The following MTCL1 variants were observed in gnomAD, a reference collection of about 807,000 sequenced individuals.
MTCL1 encodes the protein microtubule crosslinking factor 1, also known as microtubule cross-linking factor 1.
A neutral mutation model predicts 141.4 loss-of-function variants in MTCL1; 79 were observed. The ratio of observed to expected loss-of-function variants is 0.56; its 90% CI spans 0.47 to 0.67. The LOEUF is 0.67. Ranked by LOEUF, MTCL1 falls within the 30% of genes least tolerant of loss-of-function variation. The pLI, the probability that MTCL1 is intolerant of heterozygous loss-of-function variation, is 0.00. For synonymous variants in MTCL1, 914 were observed against 875.8 expected (o/e 1.04, Z -0.77); for missense variants, 2,177 against 2,113.9 (o/e 1.03, Z -0.59).
intron 11 of MTCL1, among the ~76,000 whole-genome samples, chr18:8,807,363 C>A (rs2076336744): frequency 6.6e-6 from 1 of 152,234 alleles, no homozygotes; most frequent in Admixed American, 6.5e-5. Context: ...CTGAAGCTGT[C>A]ATCACACTGA....
At chr18:8,778,050 A>G (rs1229421743) in intron 5 of MTCL1, 158 bp downstream of exon 4, 3 of 557,494 alleles carry the variant, frequency 5.4e-6, no homozygotes, top group Non-Finnish European at 3.0e-6. Flanking sequence ...CAGTGTGAAC[A>G]TTTTCTTTGC....
rs2096057085 is a variant in MTCL1 at position 8,705,866 on chromosome 18, C to CCCCGGCG, written c.212_213insGCCCGGC (p.Ala73GlyfsTer144). On this transcript the variant is annotated frameshift_variant, in exon 1 of 14. Coordinates refer to the MTCL1 transcript ENST00000306329. LOFTEE classifies it high-confidence loss of function. The surrounding 1 kb of genome is among the most constrained non-coding windows in gnomAD (Gnocchi z 5.2). The stretch of plus-strand genomic sequence containing the variant: ...CCGGCCGTCCCCTCCTCGGGCCGAG[C>CCCCGGCG]CCCGGCTCCCGCCGCCCCGCGCTCG... 8.8e-7 allele frequency: 1 copy of CCCCGGCG among 1,140,108 alleles called. No individual in the cohort carries two copies. 70.6% of individuals were successfully genotyped at this position (1,140,108 alleles called of 1,614,324 possible).
At chr18:8,785,803 C>A in intron 6 of MTCL1, 133 bp from the exon 6 acceptor site, 1 of 1,081,018 alleles carries the variant, frequency 9.3e-7, no homozygotes, top group Non-Finnish European at 1.3e-6. Flanking sequence ...GTCGTTTTCT[C>A]AGTCGTCTCC....
chr18:8,774,747 C>T (rs1052876761), intron 4 of MTCL1, among the ~76,000 whole-genome samples: 5 of 152,240 alleles, frequency 3.3e-5, no homozygotes, highest in African/African-American at 1.2e-4. Flanking sequence ...TTCGGCCTCC[C>T]AAAGTGCTGG....
At position 8,794,207 on chromosome 18, in the gene MTCL1, A is replaced by G. The variant is rs1276565032; in HGVS notation, c.2010+1087A>G. Among the ~76,000 whole-genome samples the G allele has an allele frequency of 2.0e-5, 3 of 152,260 alleles. No homozygotes were observed. The East Asian group carries it at 5.8e-4, about 29-fold the overall frequency. The stretch of plus-strand genomic sequence containing the variant: ...GCATGGCACCAAAAATTGTTTGAAA[A>G]GTGAGTTTATCACTGAAGATGCTGC... On this transcript the variant is annotated intron_variant, in intron 8 of 16. Coordinates refer to ENST00000359865, the Ensembl canonical transcript of MTCL1.
At position 8,825,409 on chromosome 18, in the gene MTCL1, G is replaced by C. The variant is rs779817195; in HGVS notation, c.3899G>C (p.Gly1300Ala). 7.8e-6 allele frequency: 12 copies of C among 1,544,802 alleles called. No individual in the cohort carries two copies. Among genetic ancestry groups the C allele is most frequent in the Non-Finnish European group, 1.0e-5 (12 of 1,144,750 alleles). Residue 1300 changes from glycine to alanine, a missense_variant, in exon 15 of 17, where the codon GGC becomes GCC. Physicochemically the swap from Gly to Ala is moderately conservative, Grantham distance 60 (BLOSUM62 0). Coordinates refer to ENST00000359865, the Ensembl canonical transcript of MTCL1. ...AGGAATGCCATCTGCTCCGGCCCTG[G>C]CGAGCTGCAAGTCAAGGACATGGCC...
At chr18:8,730,072 G>A (rs1055472797) in intron 4 of MTCL1, among the ~76,000 whole-genome samples, 8 of 152,056 alleles carry the variant, frequency 5.3e-5, no homozygotes, top group Admixed American at 1.3e-4. Flanking sequence ...TTCCTCCATC[G>A]AATTACTTTT....
rs1420759427 is a variant in MTCL1, at chr18:8,830,490, G to A, written c.*19-1117G>A. ...TGCCGTGTTCCATCTTCTCCCGAGT[G>A]ACACTGCCCATTCCGTGCAGCCGTC... On this transcript the variant is annotated intron_variant, in intron 16 of 16. Transcript: ENST00000359865. The surrounding 1 kb of genome is among the most constrained non-coding windows in gnomAD (Gnocchi z 6.4). The A allele has an allele frequency of 9.1e-6, 9 of 985,766 alleles. No individual in the cohort carries two copies. Among genetic ancestry groups the A allele is most frequent in the Non-Finnish European group, 1.1e-5 (9 of 830,266 alleles). The allele number at this position is 985,766 out of a possible 1,614,324, so 61.1% of individuals were successfully genotyped here. A position where few individuals can be genotyped will look rare whatever the true frequency, so the allele number is the denominator to read the frequency against.
At chr18:8,753,340 A>G (rs1352265294) in intron 4 of MTCL1, among the ~76,000 whole-genome samples, 1 of 152,234 alleles carries the variant, frequency 6.6e-6, no homozygotes, top group Non-Finnish European at 1.5e-5. Flanking sequence ...AGGTATTGAC[A>G]GATCTGGGAT....
intron 4 of MTCL1, among the ~76,000 whole-genome samples, chr18:8,748,003 C>A (rs1229495935): frequency 6.6e-6 from 1 of 152,118 alleles, no homozygotes; most frequent in African/African-American, 2.4e-5. Flanking sequence ...AGCTCTGTGT[C>A]CTACCTCCAG....
At chr18:8,758,127 C>T (rs527552859) in intron 4 of MTCL1, among the ~76,000 whole-genome samples, 12 of 151,482 alleles carry the variant, frequency 7.9e-5, no homozygotes, top group South Asian at 4.2e-4. Context: ...CGGGTTCAAG[C>T]GATTCTCTTG....
chr18:8,728,671 T>C (rs554562241), intron 4 of MTCL1, among the ~76,000 whole-genome samples: 1 of 151,884 alleles, frequency 6.6e-6, no homozygotes, highest in South Asian at 2.1e-4. Flanking sequence ...CCTGTATTCT[T>C]TCTAAAACTT....
In MTCL1 at chr18:8,725,099, C is replaced by G. The variant is rs144777212; in HGVS notation, c.357+4603C>G. 1.4e-3 allele frequency among the ~76,000 whole-genome samples: 217 copies of G among 151,896 alleles called. 1 individual carries two copies. Among genetic ancestry groups the G allele is most frequent in the Non-Finnish European group, 1.8e-3 (120 of 67,978 alleles). On this transcript the variant is annotated intron_variant, in intron 4 of 16. Transcript: ENST00000359865. ...AGATAGCCCTAATTCTTTCACTGAACAGTATTTCATTCTACCCCCAATTTT... is the reference window on the plus strand; with the variant it reads ...AGATAGCCCTAATTCTTTCACTGAAGAGTATTTCATTCTACCCCCAATTTT...
intron 4 of MTCL1, among the ~76,000 whole-genome samples, chr18:8,734,118 C>T (rs2096264581): frequency 6.6e-6 from 1 of 151,968 alleles, no homozygotes; most frequent in South Asian, 2.1e-4. Flanking sequence ...TCGTTTTAGA[C>T]TGGGTCCTGC....
intron 14 of MTCL1, among the ~76,000 whole-genome samples, chr18:8,823,252 C>G (rs2076906613): frequency 6.6e-6 from 1 of 152,180 alleles, no homozygotes; most frequent in Non-Finnish European, 1.5e-5. Flanking sequence ...AATGCCTCTG[C>G]TTTCTCTGTC....
intron 4 of MTCL1, among the ~76,000 whole-genome samples, chr18:8,753,373 C>T (rs2096381634): frequency 6.6e-6 from 1 of 152,184 alleles, no homozygotes; most frequent in Non-Finnish European, 1.5e-5. Context: ...TACTCACAAG[C>T]TAACAAGCTA....
In MTCL1 at chr18:8,830,429, T is replaced by G; in HGVS notation, c.*19-1178T>G. ...TCGCCCCATTGCTCTTCTGGAAGCC[T>G]GTGGCTCCCACGCTGTCCTCGGGCC... is the stretch of plus-strand genomic sequence containing the variant. On this transcript the variant is annotated intron_variant, in intron 16 of 16. Coordinates refer to ENST00000359865, the Ensembl canonical transcript of MTCL1. This position sits in a 1 kb window ranked among gnomAD's most constrained non-coding sequence, Gnocchi z 6.4. 1 of 985,574 alleles carries G rather than the reference T, an allele frequency of 1.0e-6. No homozygotes were observed. The highest frequency in any genetic ancestry group is 1.2e-6 in the Non-Finnish European group (1 of 830,030). 61.1% of individuals were successfully genotyped at this position (985,574 alleles called of 1,614,324 possible). A position where few individuals can be genotyped will look rare whatever the true frequency, so the allele number is the denominator to read the frequency against.
At chr18:8,824,241 A>C (rs12960677) in intron 14 of MTCL1, among the ~76,000 whole-genome samples, 19,533 of 152,244 alleles carry the variant, frequency 0.13, 1,321 homozygotes, top group Middle Eastern at 0.14. Flanking sequence ...ACTCATGGCA[A>C]ATTGAAAGTG....
At chr18:8,744,461 T>C (rs528983590) in intron 4 of MTCL1, among the ~76,000 whole-genome samples, 3 of 152,348 alleles carry the variant, frequency 2.0e-5, no homozygotes, top group African/African-American at 7.2e-5. Flanking sequence ...AATTTTATTG[T>C]GTTACTCAGT....
Sources: gnomAD v4.1 joint callset for allele counts (sites outside exome capture counted in the v4.1 genomes callset) on GRCh38, gnomAD v4.1.1 for gene constraint, Gnocchi (gnomAD v3.1) non-coding constraint, MANE v1.5 for transcripts, NCBI Gene and HGNC (gene_info 2026-07-23, HGNC 2026-07-21) for gene names.